The following MTERF4 variants were observed in gnomAD, a reference collection of about 807,000 sequenced individuals.
The protein encoded by MTERF4 is mitochondrial transcription termination factor 4, also known as transcription termination factor 4, mitochondrial.
Under a neutral mutation model 22.5 loss-of-function variants are expected in MTERF4, and 17 were observed. The ratio of observed to expected loss-of-function variants is 0.75; its 90% CI spans 0.52 to 1.13. The LOEUF (loss-of-function observed/expected upper bound fraction) is 1.13, where lower values mean the gene tolerates loss of function less well. MTERF4 is among the 50% of genes most tolerant of loss of function. The pLI is 0.00. For synonymous variants in MTERF4, 165 were observed against 175.3 expected, an observed-to-expected ratio of 0.94 and a Z score of 0.47; for missense variants, 420 against 466.8, an observed-to-expected ratio of 0.90 and a Z score of 0.92.
At chr2:241,042,971 G>A in the MTERF4 span, among the ~76,000 whole-genome samples, 1 of 152,054 alleles carries the variant, frequency 6.6e-6, no homozygotes, top group African/African-American at 2.4e-5. Context: ...TGTGAAGGAG[G>A]ATGAAGAACA....
downstream of MTERF4, chr2:241,088,071 C>T: frequency 4.3e-6 from 2 of 467,414 alleles, no homozygotes; most frequent in Non-Finnish European, 7.6e-6. Flanking sequence ...GTCACCGGCT[C>T]TTCCCTAGGG....
chr2:241,069,892 C>T (rs1334194257), downstream of MTERF4: 1 of 1,602,902 alleles, frequency 6.2e-7, no homozygotes, highest in Admixed American at 1.7e-5. This position sits in a 1 kb window ranked among gnomAD's most constrained non-coding sequence, Gnocchi z 4.9. Context: ...GGCACCCCCT[C>T]ACCTCTCCCT....
At chr2:241,057,458 C>T in the MTERF4 span, among the ~76,000 whole-genome samples, 1 of 145,450 alleles carries the variant, frequency 6.9e-6, no homozygotes, top group African/African-American at 2.6e-5. Flanking sequence ...CAAGGCAAGA[C>T]GATCATTTGA....
Position 241,096,097 on chromosome 2 carries a change from CTCCTCATCATCGTCA to C in MTERF4, c.1032_1046del (p.Asp344_Glu348del), listed in dbSNP as rs1559336667. ...CATCATTGTCATCCTCATCATTGTCCTCCTCATCATCGTCATCCTCATCCTCATCCAGACTTGCCC... is the reference window on the plus strand; with the variant it reads ...CATCATTGTCATCCTCATCATTGTCCTCCTCATCCTCATCCAGACTTGCCC... On this transcript the variant is annotated inframe_deletion, in exon 4 of 4. Coordinates refer to ENST00000391980, the MANE Select transcript of MTERF4 (RefSeq NM_182501.4). This position sits in a 1 kb window ranked among gnomAD's most constrained non-coding sequence, Gnocchi z 5.1. 3 of 1,611,588 alleles carry C rather than the reference CTCCTCATCATCGTCA, an allele frequency of 1.9e-6. No individual in the cohort carries two copies. The highest frequency in any genetic ancestry group is 1.7e-4 in the Middle Eastern group (1 of 6,056).
chr2:241,060,096 A>C, the MTERF4 span, among the ~76,000 whole-genome samples: 1 of 152,252 alleles, frequency 6.6e-6, no homozygotes, highest in Admixed American at 6.5e-5. Context: ...CTTTGAAATG[A>C]AAGTGTTACA....
At chr2:241,081,467 C>A (rs568833734) in intron 4 of MTERF4, among the ~76,000 whole-genome samples, 39 of 152,212 alleles carry the variant, frequency 2.6e-4, no homozygotes, top group Non-Finnish European at 3.7e-4. Flanking sequence ...GAGCACACTG[C>A]GGCCTGTCTC....
downstream of MTERF4, among the ~76,000 whole-genome samples, chr2:241,090,964 C>T (rs974356423): frequency 1.3e-5 from 2 of 152,052 alleles, no homozygotes; most frequent in Non-Finnish European, 2.9e-5. Context: ...CGCGGTCCTT[C>T]ATCGTGCAGT....
downstream of MTERF4, chr2:241,070,001 G>A (rs1354585586): frequency 3.7e-6 from 6 of 1,612,806 alleles, no homozygotes; most frequent in African/African-American, 8.0e-5. Flanking sequence ...CCGACTCCAG[G>A]CAGCTTGCTG....
downstream of MTERF4, chr2:241,070,281 C>T: frequency 7.1e-7 from 1 of 1,414,880 alleles, no homozygotes. Flanking sequence ...CCTGGCCCTG[C>T]AGGGGCCTGG....
the MTERF4 span, among the ~76,000 whole-genome samples, chr2:241,061,365 G>A: frequency 3.4e-4 from 52 of 152,284 alleles, 1 homozygote; most frequent in East Asian, 3.7e-3. Context: ...AGCCTATACC[G>A]GTGAGAATGT....
chr2:241,059,586 A>G, the MTERF4 span, among the ~76,000 whole-genome samples: 1 of 152,238 alleles, frequency 6.6e-6, no homozygotes, highest in South Asian at 2.1e-4. Flanking sequence ...TGATACAGTC[A>G]TGACCAAGTG....
At chr2:241,087,345 C>T, downstream of MTERF4, 2 of 1,542,714 alleles carry the variant, frequency 1.3e-6, no homozygotes, top group South Asian at 2.4e-5. Context: ...CAGTTGGCAA[C>T]ATTTTGCTTC....
the MTERF4 span, chr2:241,048,369 C>T: frequency 4.3e-5 from 69 of 1,611,806 alleles, no homozygotes; most frequent in Middle Eastern, 1.6e-4. Flanking sequence ...AATGGGGGCA[C>T]CTGTGTGGAT....
downstream of MTERF4, among the ~76,000 whole-genome samples, chr2:241,084,511 A>G (rs2063489091): frequency 6.6e-6 from 1 of 152,160 alleles, no homozygotes; most frequent in Admixed American, 6.5e-5. Flanking sequence ...ACCTTTAATC[A>G]CTAGTAGACA....
the MTERF4 span, chr2:241,049,798 C>T: frequency 6.3e-7 from 1 of 1,597,486 alleles, no homozygotes; most frequent in Non-Finnish European, 8.6e-7. Context: ...CAGGACCACC[C>T]TCTGTCCCCC....
At chr2:241,076,422 G>T (rs1000015077) in intron 4 of MTERF4, among the ~76,000 whole-genome samples, 6 of 152,218 alleles carry the variant, frequency 3.9e-5, no homozygotes, top group African/African-American at 1.4e-4. Context: ...TACTTTTCCT[G>T]ATTATTTATT....
At chr2:241,068,026 G>A (rs2062536256), downstream of MTERF4, 1 of 1,345,162 alleles carries the variant, frequency 7.4e-7, no homozygotes. The surrounding 1 kb of genome is among the most constrained non-coding windows in gnomAD (Gnocchi z 5.3). Flanking sequence ...CAGGTCTCGG[G>A]CACATTCTCC....
the MTERF4 span, among the ~76,000 whole-genome samples, chr2:241,055,831 G>A: frequency 2.0e-5 from 3 of 152,220 alleles, no homozygotes; most frequent in Admixed American, 6.5e-5. Context: ...AGTCCACCTG[G>A]AGGGAGAGGC....
At chr2:241,053,065 C>A in the MTERF4 span, 3 of 1,283,320 alleles carry the variant, frequency 2.3e-6, no homozygotes, top group Non-Finnish European at 2.2e-6. Flanking sequence ...CATCCCTGGG[C>A]CCTGCAGTCG....
Sources: allele counts gnomAD v4.1 joint callset (sites outside exome capture counted in the v4.1 genomes callset), GRCh38; gene constraint gnomAD v4.1.1; non-coding constraint Gnocchi (gnomAD v3.1); transcripts MANE v1.5; gene names NCBI Gene and HGNC (gene_info 2026-07-23, HGNC 2026-07-21).